Variants in FAM161A observed in about 807,000 individuals in gnomAD.
FAM161A encodes protein FAM161A.
Under a neutral mutation model 70.9 loss-of-function variants are expected in FAM161A, and 57 were observed. The ratio of observed to expected loss-of-function variants is 0.80; its 90% confidence interval spans 0.65 to 1.00. FAM161A has a LOEUF of 1.00. FAM161A is among the 50% of genes least tolerant of loss of function. The pLI is 0.00. For missense variants in FAM161A, 880 were observed against 836.0 expected, an observed-to-expected ratio of 1.05 and a Z score of -0.65; for synonymous variants, 299 against 295.7, an observed-to-expected ratio of 1.01 and a Z score of -0.12.
In FAM161A at chr2:61,839,704, G is replaced by T. The variant is rs1299770851; in HGVS notation, c.1300C>A (p.Leu434Ile). The T allele has an allele frequency of 1.2e-6, 2 of 1,614,044 alleles. No individual in the cohort carries two copies. Among genetic ancestry groups the T allele is most frequent in the African/African-American group, 2.7e-5 (2 of 74,918 alleles). The stretch of plus-strand genomic sequence containing the variant: ...AGGTGTTTCTGGTATCTCTCAGGAA[G>T]GTCCTCAAAATCAGGAGTTGGGCAC... The part of the protein sequence containing the change: ...VRCPTPDFED[L>I]PERYQKHLSE... Residue 434 changes from leucine (L) to isoleucine (I), a missense_variant, in exon 3 of 7, where the codon CTT becomes ATT. Leu to Ile is a conservative substitution (Grantham distance 5). Coordinates refer to ENST00000404929, the MANE Select transcript of FAM161A (RefSeq NM_001201543.2).
In FAM161A at chr2:61,838,698, G is replaced by C; in HGVS notation, c.1591C>G (p.Leu531Val). Residue 531 changes from leucine to valine, a missense_variant, in exon 4 of 7, where the codon CTT (leucine) becomes GTT (valine). By Grantham distance (32) the Leu-to-Val change is conservative. Coordinates refer to ENST00000404929, the MANE Select transcript of FAM161A (RefSeq NM_001201543.2). ...TCTTCCAACATTTTCTTTTCCTCAAGTGATCTCCTGAGGGTAACAAACTAA... is the reference window on the plus strand; with the variant it reads ...TCTTCCAACATTTTCTTTTCCTCAACTGATCTCCTGAGGGTAACAAACTAA... The part of the protein sequence containing the change: ...RGREQAVRRS[L>V]EEKKMLEEER... 2 of 1,607,070 alleles carry C rather than the reference G, an allele frequency of 1.2e-6. No individual in the cohort carries two copies. Among genetic ancestry groups the C allele is most frequent in the South Asian group, 1.1e-5 (1 of 89,942 alleles).
chr2:61,825,290 A>G lies in FAM161A; in HGVS notation c.*1165T>C, dbSNP rs1015351055. On this transcript the variant is annotated 3_prime_UTR_variant, in exon 7 of 7. Transcript: ENST00000404929. ...CAGAGAGATAAAGTGTGTTGGCAAT[A>G]ATATGTAAAAAGTTGAACACAACTG... 1.3e-5 allele frequency: 6 copies of G among 454,102 alleles called. No individual in the cohort carries two copies. The highest frequency in any genetic ancestry group is 2.6e-5 in the Non-Finnish European group (6 of 226,786). 28.1% of individuals were successfully genotyped at this position (454,102 alleles called of 1,614,324 possible).
chr2:61,832,302 AC>A (rs1331834388), intron 5 of FAM161A, among the ~76,000 whole-genome samples: 5 of 151,942 alleles, frequency 3.3e-5, no homozygotes, highest in South Asian at 2.1e-4. Context: ...ACAAAAAAAA[AC>A]GTACTGCACC....
At chr2:61,815,179 C>T in the FAM161A span, among the ~76,000 whole-genome samples, 2 of 152,156 alleles carry the variant, frequency 1.3e-5, no homozygotes, top group African/African-American at 4.8e-5. Flanking sequence ...ATTTTTCCTC[C>T]TCTAGGGATA....
chr2:61,837,794 T>C (rs1572874583), intron 4 of FAM161A, among the ~76,000 whole-genome samples: 1 of 152,318 alleles, frequency 6.6e-6, no homozygotes, highest in Non-Finnish European at 1.5e-5. Flanking sequence ...GTAAGTAATC[T>C]ATTTCTAAGA....
At chr2:61,846,244 A>C (rs1673211266) in intron 1 of FAM161A, among the ~76,000 whole-genome samples, 1 of 152,148 alleles carries the variant, frequency 6.6e-6, no homozygotes, top group Non-Finnish European at 1.5e-5. Context: ...GGCAAGGTGC[A>C]CATGGCTGCC....
chr2:61,833,462 T>C (rs1672658005), intron 5 of FAM161A, among the ~76,000 whole-genome samples: 1 of 149,244 alleles, frequency 6.7e-6, no homozygotes, highest in African/African-American at 2.5e-5. Flanking sequence ...ATGATAATAA[T>C]ATAGGGCTCA....
At chr2:61,845,858 GTGGGTGGA>G (rs1673189537) in intron 1 of FAM161A, among the ~76,000 whole-genome samples, 1 of 152,018 alleles carries the variant, frequency 6.6e-6, no homozygotes, top group African/African-American at 2.4e-5. Flanking sequence ...GGAGGCTGAG[GTGGGTGGA>G]TCACCTGAGC....
At position 61,836,086 on chromosome 2, in the gene FAM161A, C is replaced by T. The variant is rs773227104; in HGVS notation, c.1775G>A (p.Arg592Lys). Residue 592 changes from arginine (R) to lysine (K), a missense_variant, in exon 5 of 7, where the codon AGA becomes AAA. By Grantham distance (26) the Arg-to-Lys change is conservative. Coordinates refer to ENST00000404929, the MANE Select transcript of FAM161A (RefSeq NM_001201543.2). ...TTCTTCTAGTTCTCGTTGGTATTCTCTCATCCTTTCCTTTTCGCTCTTTCT... is the reference window on the plus strand; with the variant it reads ...TTCTTCTAGTTCTCGTTGGTATTCTTTCATCCTTTCCTTTTCGCTCTTTCT... ...CLRKSEKERMREYQRELEERE... is the reference protein window; with the variant it reads ...CLRKSEKERMKEYQRELEERE... 1.4e-5 allele frequency: 23 copies of T among 1,609,696 alleles called. No individual in the cohort carries two copies. The highest frequency in any genetic ancestry group is 1.8e-5 in the Non-Finnish European group (21 of 1,178,212).
the FAM161A span, among the ~76,000 whole-genome samples, chr2:61,804,768 G>GAGAAAGAAGAAAGAAAGAAAGAA: frequency 8.4e-6 from 1 of 118,952 alleles, no homozygotes; most frequent in Non-Finnish European, 1.7e-5. Context: ...GAAAAAGAAA[G>GAGAAAGAAGAAAGAAAGAAAGAA]AGAAAGAAAG....
At chr2:61,823,386 T>TATATATATATATATATA (rs1558470704), downstream of FAM161A, among the ~76,000 whole-genome samples, 19 of 135,110 alleles carry the variant, frequency 1.4e-4, no homozygotes, top group South Asian at 4.8e-4. Context: ...TATATATATA[T>TATATATATATATATATA]TGAGTCAGGG....
intron 1 of FAM161A, among the ~76,000 whole-genome samples, chr2:61,847,713 A>G (rs1673279685): frequency 6.6e-6 from 1 of 152,098 alleles, no homozygotes; most frequent in Admixed American, 6.6e-5. Context: ...TTGGGGCTGC[A>G]GTGAGCTATG....
At chr2:61,814,479 G>GTTTCT in the FAM161A span, among the ~76,000 whole-genome samples, 328 of 152,252 alleles carry the variant, frequency 2.2e-3, 1 homozygote, top group East Asian at 0.032. Context: ...CTGTATCTCT[G>GTTTCT]CTTCTCTTCC....
In FAM161A at chr2:61,839,737, T is replaced by G; in HGVS notation, c.1267A>C (p.Lys423Gln). ...AAATCAGGAGTTGGGCACCTAACCT[T>G]GTGTTTACACTTCAACTTTACAGCC... is the stretch of plus-strand genomic sequence containing the variant. ...EQAVKLKCKH[K>Q]VRCPTPDFED... Residue 423 changes from lysine to glutamine, a missense_variant, in exon 3 of 7, where the codon AAG becomes CAG. Physicochemically the swap from Lys to Gln is moderately conservative, Grantham distance 53. Transcript: ENST00000404929. 1 of 1,614,192 alleles carries G rather than the reference T, an allele frequency of 6.2e-7. No individual in the cohort carries two copies. The highest frequency in any genetic ancestry group is 8.5e-7 in the Non-Finnish European group (1 of 1,180,040).
chr2:61,811,097 T>C, the FAM161A span, among the ~76,000 whole-genome samples: 1 of 145,596 alleles, frequency 6.9e-6, no homozygotes, highest in South Asian at 2.1e-4. Context: ...AGTGTTACCT[T>C]TGAAACATAT....
At chr2:61,804,798 GAAAGAAAGAAAGAAAGAA>G in the FAM161A span, among the ~76,000 whole-genome samples, 278 of 140,438 alleles carry the variant, frequency 2.0e-3, 2 homozygotes, top group Middle Eastern at 0.014. Flanking sequence ...AAGAAAGAAA[GAAAGAAAGAAAGAAAGAA>G]AGAGAAAGAG....
chr2:61,845,988 C>T (rs1390686809), intron 1 of FAM161A, among the ~76,000 whole-genome samples: 1 of 146,216 alleles, frequency 6.8e-6, no homozygotes, highest in Non-Finnish European at 1.5e-5. Flanking sequence ...ACTCAGGGGA[C>T]AGAGGCAGGA....
intron 2 of FAM161A, among the ~76,000 whole-genome samples, chr2:61,841,702 G>T (rs965260806): frequency 6.6e-6 from 1 of 152,156 alleles, no homozygotes; most frequent in African/African-American, 2.4e-5. Context: ...CAGCAGAAAT[G>T]GGTCTTGAAA....
At chr2:61,853,786 C>CG in intron 1 of FAM161A, 73 bp downstream of exon 1, 1 of 1,561,008 alleles carries the variant, frequency 6.4e-7, no homozygotes, top group African/African-American at 1.4e-5. Context: ...CTCAGCTGGG[C>CG]GGGGAACCGG....
Sources: allele counts gnomAD v4.1 joint callset (sites outside exome capture counted in the v4.1 genomes callset), GRCh38; gene constraint gnomAD v4.1.1; transcripts MANE v1.5; gene names NCBI Gene and HGNC (gene_info 2026-07-23, HGNC 2026-07-21).